The following PARD3B variants were observed in gnomAD, a reference collection of about 807,000 sequenced individuals.
The protein encoded by PARD3B is par-3 family cell polarity regulator beta.
In PARD3B, 103 loss-of-function variants were observed where a neutral mutation model predicts 130.2. The observed-to-expected ratio is 0.79, with a 90% confidence interval of 0.67 to 0.93. The LOEUF (loss-of-function observed/expected upper bound fraction) is 0.93, where lower values mean the gene tolerates loss of function less well. Ranked by LOEUF, PARD3B falls within the 40% of genes least tolerant of loss-of-function variation. The pLI is 0.00. For synonymous variants in PARD3B, 583 were observed against 553.2 expected (o/e 1.05, Z -0.76); for missense variants, 1,609 against 1,499.2 (o/e 1.07, Z -1.21).
chr2:205,390,220 C>T (rs1207923292), intron 18 of PARD3B, among the ~76,000 whole-genome samples: 2 of 149,280 alleles, frequency 1.3e-5, no homozygotes, highest in Non-Finnish European at 3.0e-5. Context: ...AGTTTCTTAC[C>T]CCCAGGGGAA....
rs182538659 is a variant in PARD3B, at chr2:204,701,078, T to C, written c.222+14796T>C. 1.2e-4 allele frequency among the ~76,000 whole-genome samples: 19 copies of C among 152,222 alleles called. No individual in the cohort carries two copies. The East Asian group carries it at 3.1e-3, about 25-fold the overall frequency. Reference sequence around the variant, plus strand: ...TTTATACTTTTTCATACAAAATTGTTTTAGTAACATACTTTTCTTTGACTT... The same window carrying C: ...TTTATACTTTTTCATACAAAATTGTCTTAGTAACATACTTTTCTTTGACTT... On this transcript the variant is annotated intron_variant, in intron 2 of 22. Coordinates refer to ENST00000406610, the MANE Select transcript of PARD3B (RefSeq NM_001302769.2).
intron 2 of PARD3B, among the ~76,000 whole-genome samples, chr2:204,782,853 G>C (rs923270060): frequency 4.6e-5 from 7 of 151,892 alleles, no homozygotes; most frequent in Non-Finnish European, 1.0e-4. Flanking sequence ...CCATACTGTT[G>C]GTTATTAATG....
At chr2:204,814,551 T>C (rs1263058550) in intron 2 of PARD3B, among the ~76,000 whole-genome samples, 1 of 151,972 alleles carries the variant, frequency 6.6e-6, no homozygotes, top group Non-Finnish European at 1.5e-5. Flanking sequence ...CAAATGAGTT[T>C]CATTTTTTTA....
intron 2 of PARD3B, among the ~76,000 whole-genome samples, chr2:204,724,945 T>C (rs2039160073): frequency 6.6e-6 from 1 of 152,096 alleles, no homozygotes; most frequent in African/African-American, 2.4e-5. Context: ...TTGTTAGAAT[T>C]TGACTGGGCC....
intron 3 of PARD3B, among the ~76,000 whole-genome samples, chr2:205,026,903 A>C (rs1431337387): frequency 6.6e-6 from 1 of 152,054 alleles, no homozygotes; most frequent in Non-Finnish European, 1.5e-5. Flanking sequence ...TAGACACACC[A>C]CATTTTCTTT....
At chr2:204,555,225 G>A (rs1559153402) in intron 1 of PARD3B, among the ~76,000 whole-genome samples, 1 of 152,138 alleles carries the variant, frequency 6.6e-6, no homozygotes, top group Non-Finnish European at 1.5e-5. Context: ...ATGCCAGTTT[G>A]TTTTGCTGAT....
intron 2 of PARD3B, among the ~76,000 whole-genome samples, chr2:204,928,236 C>G (rs1182077229): frequency 1.3e-5 from 2 of 152,046 alleles, no homozygotes; most frequent in Non-Finnish European, 2.9e-5. Flanking sequence ...CAGGCTAGAC[C>G]TTGTTCTCAT....
At chr2:204,838,305 C>T (rs140780281) in intron 2 of PARD3B, among the ~76,000 whole-genome samples, 2,023 of 151,900 alleles carry the variant, frequency 0.013, 38 homozygotes, top group African/African-American at 0.033. Flanking sequence ...ACCTCAGCCT[C>T]CCAAGTAGCT....
intron 18 of PARD3B, among the ~76,000 whole-genome samples, chr2:205,354,550 T>G (rs544160896): frequency 1.3e-5 from 2 of 152,268 alleles, no homozygotes; most frequent in South Asian, 4.1e-4. Flanking sequence ...ACTCCTGGAC[T>G]CAAGTGACCC....
intron 15 of PARD3B, among the ~76,000 whole-genome samples, chr2:205,195,649 T>C (rs577183854): frequency 1.3e-5 from 2 of 152,310 alleles, no homozygotes; most frequent in African/African-American, 4.8e-5. Flanking sequence ...AAGAGATTAA[T>C]TTATTTGCTC....
chr2:205,502,255 A>AT (rs1288799127), intron 21 of PARD3B, among the ~76,000 whole-genome samples: 2 of 152,142 alleles, frequency 1.3e-5, no homozygotes, highest in East Asian at 3.9e-4. Flanking sequence ...GAAAGTTAAC[A>AT]TTTCATTCCT....
intron 1 of PARD3B, among the ~76,000 whole-genome samples, chr2:204,641,149 A>G (rs1465860093): frequency 6.7e-6 from 1 of 148,712 alleles, no homozygotes; most frequent in African/African-American, 2.4e-5. Context: ...TCCTGTTATT[A>G]TCTTTATCAG....
intron 21 of PARD3B, among the ~76,000 whole-genome samples, chr2:205,515,015 A>C (rs2050738351): frequency 6.6e-6 from 1 of 151,674 alleles, no homozygotes; most frequent in Non-Finnish European, 1.5e-5. Context: ...AATAGACCCC[A>C]GTGTCTGTTG....
At chr2:205,520,745 C>G (rs747056884) in intron 21 of PARD3B, among the ~76,000 whole-genome samples, 1 of 151,882 alleles carries the variant, frequency 6.6e-6, no homozygotes, top group Non-Finnish European at 1.5e-5. Context: ...TCTGAATATA[C>G]TATATTTAAG....
intron 15 of PARD3B, among the ~76,000 whole-genome samples, chr2:205,238,835 C>CAAAAAAA (rs71879579): frequency 1.9e-4 from 5 of 26,096 alleles, no homozygotes; most frequent in South Asian, 1.6e-3. Flanking sequence ...AACTCCGTTT[C>CAAAAAAA]AAAAAAAAAA....
At chr2:205,135,595 G>T (rs1439070984) in intron 10 of PARD3B, among the ~76,000 whole-genome samples, 1 of 150,356 alleles carries the variant, frequency 6.7e-6, no homozygotes, top group African/African-American at 2.5e-5. Flanking sequence ...TTTCCCTAAG[G>T]GCTGGTAAAA....
At chr2:204,553,683 TATATATATATATAC>T (rs1421348008) in intron 1 of PARD3B, among the ~76,000 whole-genome samples, 48 of 58,440 alleles carry the variant, frequency 8.2e-4, no homozygotes, top group African/African-American at 2.3e-3. Context: ...TATATATATA[TATATATATATATAC>T]ACACATATAT....
At chr2:204,914,148 C>T (rs529069464) in intron 2 of PARD3B, among the ~76,000 whole-genome samples, 1 of 152,286 alleles carries the variant, frequency 6.6e-6, no homozygotes. Flanking sequence ...AGGAGCCGGG[C>T]CTCTCCTGAT....
chr2:205,066,330 G>GTT (rs1458056385), intron 4 of PARD3B, among the ~76,000 whole-genome samples: 1 of 152,146 alleles, frequency 6.6e-6, no homozygotes, highest in Non-Finnish European at 1.5e-5. Flanking sequence ...TGGTAATACA[G>GTT]TTAAGATAGG....
Sources: allele counts gnomAD v4.1 joint callset (sites outside exome capture counted in the v4.1 genomes callset), GRCh38; gene constraint gnomAD v4.1.1; transcripts MANE v1.5; gene names NCBI Gene and HGNC (gene_info 2026-07-23, HGNC 2026-07-21).